The following CTNND2 variants were observed in gnomAD, a reference collection of about 807,000 sequenced individuals.
CTNND2 encodes catenin delta 2, also known as catenin delta-2.
In CTNND2, 22 loss-of-function variants were observed where a neutral mutation model predicts 144.4. The observed-to-expected ratio is 0.15, with a 90% CI of 0.11 to 0.22. CTNND2 has a LOEUF of 0.22. CTNND2 is among the 10% of genes least tolerant of loss of function. The pLI is 1.00. For synonymous variants in CTNND2, 751 were observed against 695.6 expected (o/e 1.08, Z -1.25); for missense variants, 1,353 against 1,618.8 (o/e 0.84, Z 2.82).
intron 1 of CTNND2, among the ~76,000 whole-genome samples, chr5:11,894,114 A>C (rs1011423320): frequency 6.6e-6 from 1 of 152,146 alleles, no homozygotes; most frequent in African/African-American, 2.4e-5. Context: ...ATTTAAGGAA[A>C]TATCTCAAAA....
At chr5:11,336,090 G>A (rs556280012) in intron 9 of CTNND2, among the ~76,000 whole-genome samples, 1 of 152,260 alleles carries the variant, frequency 6.6e-6, no homozygotes, top group Non-Finnish European at 1.5e-5. Flanking sequence ...AACCTCTAGA[G>A]GGTATTTAAC....
At chr5:11,391,313 A>T (rs62337474) in intron 6 of CTNND2, among the ~76,000 whole-genome samples, 27,188 of 150,244 alleles carry the variant, frequency 0.18, 2,903 homozygotes, top group Non-Finnish European at 0.25. Context: ...GCACTTTCCT[A>T]GTTTAAGTTT....
chr5:11,324,391 T>C (rs1752330149), intron 9 of CTNND2, among the ~76,000 whole-genome samples: 1 of 152,232 alleles, frequency 6.6e-6, no homozygotes, highest in African/African-American at 2.4e-5. Context: ...ATTCTCTAAA[T>C]GTTACCACTT....
chr5:11,781,384 C>CA (rs1790534920), intron 1 of CTNND2, among the ~76,000 whole-genome samples: 1 of 152,192 alleles, frequency 6.6e-6, no homozygotes. Flanking sequence ...CTGAGTTTAA[C>CA]AAAGCCACAA....
intron 9 of CTNND2, among the ~76,000 whole-genome samples, chr5:11,330,123 T>C (rs995127331): frequency 6.6e-6 from 1 of 151,968 alleles, no homozygotes; most frequent in African/African-American, 2.4e-5. Flanking sequence ...GTTGCCTTGA[T>C]TTTTATTAAA....
At chr5:11,607,724 C>A (rs186710806) in intron 2 of CTNND2, among the ~76,000 whole-genome samples, 1 of 152,270 alleles carries the variant, frequency 6.6e-6, no homozygotes, top group East Asian at 1.9e-4. Context: ...TAACTTAGAC[C>A]TGTTAATAAT....
chr5:11,017,633 CTTG>C (rs982423921), intron 18 of CTNND2, among the ~76,000 whole-genome samples: 12 of 144,316 alleles, frequency 8.3e-5, no homozygotes, highest in Non-Finnish European at 1.6e-4. Flanking sequence ...TCCAAAATTA[CTTG>C]TTAACATTTG....
chr5:11,652,364 A>G lies in CTNND2; in HGVS notation c.174+79772T>C, dbSNP rs138785255. Among the ~76,000 whole-genome samples, 76 of 149,786 alleles carry G rather than the reference A, an allele frequency of 5.1e-4. No individual in the cohort carries two copies. In the East Asian group the frequency reaches 0.014, roughly 28 times the overall value. On this transcript the variant is annotated intron_variant, in intron 2 of 21. Transcript: ENST00000304623. ...CCATACTTCTTGTACAGCCTGCAGAAGTGTGAATCAATTAAACCTCTTTTT... is the reference window on the plus strand; with the variant it reads ...CCATACTTCTTGTACAGCCTGCAGAGGTGTGAATCAATTAAACCTCTTTTT...
chr5:11,409,237 T>C (rs1233487313), intron 5 of CTNND2, among the ~76,000 whole-genome samples: 1 of 152,036 alleles, frequency 6.6e-6, no homozygotes, highest in Non-Finnish European at 1.5e-5. Flanking sequence ...TTGCTTACAA[T>C]TTTATTATTT....
chr5:11,010,351 T>G (rs1561166203), intron 18 of CTNND2, among the ~76,000 whole-genome samples: 1 of 152,258 alleles, frequency 6.6e-6, no homozygotes, highest in African/African-American at 2.4e-5. Context: ...GAAGACATAT[T>G]AAAGCCCTTC....
chr5:11,128,444 T>C (rs1754901571), intron 12 of CTNND2, among the ~76,000 whole-genome samples: 2 of 151,988 alleles, frequency 1.3e-5, no homozygotes, highest in Non-Finnish European at 2.9e-5. Flanking sequence ...GTCCAGTGTC[T>C]GAAGTTCTGG....
At chr5:11,574,740 G>A (rs1399088643) in intron 2 of CTNND2, among the ~76,000 whole-genome samples, 2 of 152,028 alleles carry the variant, frequency 1.3e-5, no homozygotes, top group Non-Finnish European at 2.9e-5. Flanking sequence ...ACCAAACAAG[G>A]GCAATGAAGA....
chr5:11,094,206 C>T (rs1424384768), intron 15 of CTNND2, among the ~76,000 whole-genome samples: 1 of 152,138 alleles, frequency 6.6e-6, no homozygotes, highest in Non-Finnish European at 1.5e-5. Flanking sequence ...TCCTAAGAGG[C>T]AAAATCCTAC....
chr5:11,136,249 AAC>A (rs1377059777), intron 12 of CTNND2, among the ~76,000 whole-genome samples: 1 of 152,212 alleles, frequency 6.6e-6, no homozygotes, highest in Admixed American at 6.5e-5. Flanking sequence ...CAGTAGACTG[AAC>A]AGAGACTGCC....
intron 3 of CTNND2, among the ~76,000 whole-genome samples, chr5:11,488,255 T>C (rs1456652328): frequency 1.3e-5 from 2 of 152,210 alleles, no homozygotes; most frequent in Non-Finnish European, 2.9e-5. Flanking sequence ...AGTAATAATA[T>C]CCAAGAATTT....
chr5:11,634,542 A>C (rs1320143463), intron 2 of CTNND2, among the ~76,000 whole-genome samples: 2 of 152,128 alleles, frequency 1.3e-5, no homozygotes, highest in East Asian at 3.9e-4. Context: ...CTCATTTAAA[A>C]ACCGGGGTTC....
chr5:11,482,089 C>T (rs1185701954), intron 3 of CTNND2, among the ~76,000 whole-genome samples: 2 of 152,140 alleles, frequency 1.3e-5, no homozygotes, highest in African/African-American at 2.4e-5. Flanking sequence ...GTCTAACTTT[C>T]TCCCATCATT....
chr5:11,212,411 G>A (rs936195020), intron 10 of CTNND2, among the ~76,000 whole-genome samples: 1 of 152,158 alleles, frequency 6.6e-6, no homozygotes, highest in Non-Finnish European at 1.5e-5. Context: ...TGTAGTACAC[G>A]ATTAAACTCT....
At chr5:11,318,842 A>C (rs1024433345) in intron 9 of CTNND2, among the ~76,000 whole-genome samples, 1 of 152,074 alleles carries the variant, frequency 6.6e-6, no homozygotes, top group Non-Finnish European at 1.5e-5. Flanking sequence ...AAACAGTCAC[A>C]ACACATGCAA....
Sources: gnomAD v4.1 joint callset for allele counts (sites outside exome capture counted in the v4.1 genomes callset) on GRCh38, gnomAD v4.1.1 for gene constraint, MANE v1.5 for transcripts, NCBI Gene and HGNC (gene_info 2026-07-23, HGNC 2026-07-21) for gene names.